The following PALD1 variants were observed in gnomAD, a reference collection of about 807,000 sequenced individuals.
The protein encoded by PALD1 is paladin.
PALD1 carries 57 observed loss-of-function variants against 96.0 expected under a neutral mutation model. That is an observed-to-expected ratio of 0.59 (90% CI 0.48 to 0.74). PALD1 has a LOEUF of 0.74. Ranked by LOEUF, PALD1 falls within the 30% of genes least tolerant of loss-of-function variation. The pLI, the probability that PALD1 is intolerant of heterozygous loss-of-function variation, is 0.00. For synonymous variants in PALD1, 464 were observed against 473.6 expected (o/e 0.98, Z 0.26); for missense variants, 1,063 against 1,143.7 (o/e 0.93, Z 1.02).
At chr10:70,560,489 C>T (rs111428347) in intron 18 of PALD1, among the ~76,000 whole-genome samples, 1,757 of 152,296 alleles carry the variant, frequency 0.012, 9 homozygotes, top group Middle Eastern at 0.037. Flanking sequence ...CAAAATGGGA[C>T]AGTCCCGCCT....
chr10:70,551,371 A>T (rs1194465323), intron 18 of PALD1, among the ~76,000 whole-genome samples: 1 of 152,152 alleles, frequency 6.6e-6, no homozygotes, highest in Non-Finnish European at 1.5e-5. Context: ...GTCCATGCAG[A>T]GGGTGCCATC....
chr10:70,539,814 T>G lies in PALD1; in HGVS notation c.1908+52T>G. Reference sequence around the variant, plus strand: ...TCTGGGGAGGGACAGGAGGCCTCCCTGTCTCCCCTCTGGTCTGGGCTCTGG... The same window carrying G: ...TCTGGGGAGGGACAGGAGGCCTCCCGGTCTCCCCTCTGGTCTGGGCTCTGG... On this transcript the variant is annotated intron_variant, in intron 15 of 19. Coordinates refer to ENST00000263563, the MANE Select transcript of PALD1 (RefSeq NM_014431.3). This position sits in a 1 kb window ranked among gnomAD's most constrained non-coding sequence, Gnocchi z 4.5. 2 of 1,466,132 alleles carry G rather than the reference T, an allele frequency of 1.4e-6. No individual in the cohort carries two copies. The highest frequency in any genetic ancestry group is 1.2e-5 in the South Asian group (1 of 84,660). 90.8% of individuals were successfully genotyped at this position (1,466,132 alleles called of 1,614,324 possible).
the PALD1 span, among the ~76,000 whole-genome samples, chr10:70,460,113 G>C: frequency 1.3e-5 from 2 of 152,136 alleles, no homozygotes; most frequent in Non-Finnish European, 1.5e-5. Context: ...CTTAGCTTTC[G>C]TGCGGCTAAG....
chr10:70,529,033 A>G (rs1224981854), intron 2 of PALD1, among the ~76,000 whole-genome samples, 196 bp from the exon 3 acceptor site: 1 of 152,132 alleles, frequency 6.6e-6, no homozygotes, highest in African/African-American at 2.4e-5. Flanking sequence ...TGGGTGGCTC[A>G]GTCCTCAGTC....
At chr10:70,503,549 G>A (rs556349735) in intron 1 of PALD1, among the ~76,000 whole-genome samples, 6 of 152,110 alleles carry the variant, frequency 3.9e-5, no homozygotes, top group Non-Finnish European at 5.9e-5. Context: ...GGCATGAATC[G>A]CTTGAACCTG....
At chr10:70,564,015 C>T (rs10999402) in intron 18 of PALD1, among the ~76,000 whole-genome samples, 64,143 of 151,968 alleles carry the variant, frequency 0.42, 13,699 homozygotes, top group Non-Finnish European at 0.45. Context: ...TCGGTCCTGC[C>T]GTGTGGGAGG....
chr10:70,507,247 C>CA (rs752281450), intron 1 of PALD1, among the ~76,000 whole-genome samples: 30,384 of 138,412 alleles, frequency 0.22, 3,411 homozygotes, highest in Middle Eastern at 0.29. Flanking sequence ...ACTAAAAATA[C>CA]AAAAAAAAAA....
At chr10:70,562,995 C>G (rs572448768) in intron 18 of PALD1, among the ~76,000 whole-genome samples, 1 of 152,192 alleles carries the variant, frequency 6.6e-6, no homozygotes, top group Non-Finnish European at 1.5e-5. Flanking sequence ...CTCTCAAACC[C>G]TCAGTGGCTC....
At chr10:70,522,773 G>T (rs1036949696) in intron 1 of PALD1, among the ~76,000 whole-genome samples, 2 of 152,316 alleles carry the variant, frequency 1.3e-5, no homozygotes, top group Admixed American at 1.3e-4. Context: ...TCCCTGGCAG[G>T]TGACCGCCGT....
intron 1 of PALD1, among the ~76,000 whole-genome samples, chr10:70,482,684 C>G (rs1204450743): frequency 6.6e-6 from 1 of 152,126 alleles, no homozygotes; most frequent in East Asian, 1.9e-4. Context: ...AAGAAACTAC[C>G]AGGGTCTGAA....
the PALD1 span, among the ~76,000 whole-genome samples, chr10:70,459,291 C>A: frequency 2.6e-5 from 4 of 152,224 alleles, no homozygotes; most frequent in Non-Finnish European, 5.9e-5. Flanking sequence ...TCTTCAAGGT[C>A]ACTGCAGTCA....
intron 18 of PALD1, among the ~76,000 whole-genome samples, chr10:70,549,837 T>C (rs1847444819): frequency 6.6e-6 from 1 of 152,186 alleles, no homozygotes; most frequent in South Asian, 2.1e-4. Flanking sequence ...GTGGTCACTC[T>C]GGCTGCCTTC....
intron 1 of PALD1, among the ~76,000 whole-genome samples, chr10:70,518,348 T>A (rs2394729): frequency 0.68 from 102,976 of 152,082 alleles, 35,086 homozygotes; most frequent in Middle Eastern, 0.78. Context: ...TTTCTCCTGG[T>A]TGGGTACCTA....
chr10:70,495,601 T>A (rs967023419), intron 1 of PALD1, among the ~76,000 whole-genome samples: 3 of 152,136 alleles, frequency 2.0e-5, no homozygotes, highest in Non-Finnish European at 4.4e-5. Flanking sequence ...AAAAGCTTGT[T>A]GCACAAGGAA....
chr10:70,468,638 A>AAGTGGTGTAGTGGGCAGGGG, the PALD1 span, among the ~76,000 whole-genome samples: 2 of 151,310 alleles, frequency 1.3e-5, no homozygotes, highest in African/African-American at 2.4e-5. Context: ...CCTGCCCAGG[A>AAGTGGTGTAGTGGGCAGGGG]CTTCTTATGG....
At chr10:70,518,848 CAT>C (rs1195526817) in intron 1 of PALD1, among the ~76,000 whole-genome samples, 1 of 152,316 alleles carries the variant, frequency 6.6e-6, no homozygotes, top group East Asian at 1.9e-4. Flanking sequence ...CTGGCAGACA[CAT>C]GAGTCACACA....
chr10:70,491,041 G>T (rs2132270810), intron 1 of PALD1, among the ~76,000 whole-genome samples: 1 of 152,252 alleles, frequency 6.6e-6, no homozygotes, highest in Non-Finnish European at 1.5e-5. Flanking sequence ...CGCCTCCTGG[G>T]TTCACACCAT....
Position 70,539,530 on chromosome 10 carries a change from G to T in PALD1, c.1726-50G>T. 6.6e-7 allele frequency: 1 copy of T among 1,512,786 alleles called. No individual in the cohort carries two copies. Among genetic ancestry groups the T allele is most frequent in the African/African-American group, 1.4e-5 (1 of 72,014 alleles). 93.7% of individuals were successfully genotyped at this position (1,512,786 alleles called of 1,614,324 possible). ...GGCAGGCTGTGGCCTTTCAGGGCTA[G>T]CCTAGAGCCTGCCCCAGTGGCCTGT... On this transcript the variant is annotated intron_variant, in intron 14 of 19. Transcript: ENST00000263563. The surrounding 1 kb of genome is among the most constrained non-coding windows in gnomAD (Gnocchi z 4.5).
chr10:70,498,606 G>T (rs1846236194), intron 1 of PALD1, among the ~76,000 whole-genome samples: 2 of 150,362 alleles, frequency 1.3e-5, no homozygotes, highest in South Asian at 2.1e-4. Context: ...TTTTGAGGCT[G>T]TAATTGTTCT....
Sources: allele counts gnomAD v4.1 joint callset (sites outside exome capture counted in the v4.1 genomes callset), GRCh38; gene constraint gnomAD v4.1.1; non-coding constraint Gnocchi (gnomAD v3.1); transcripts MANE v1.5; gene names NCBI Gene and HGNC (gene_info 2026-07-23, HGNC 2026-07-21).